The following WIF1 variants were observed in gnomAD, a reference collection of about 807,000 sequenced individuals.
WIF1 encodes Wnt inhibitory factor 1.
A neutral mutation model predicts 53.5 loss-of-function variants in WIF1; 35 were observed. The ratio of observed to expected loss-of-function variants is 0.65; its 90% CI spans 0.50 to 0.87. WIF1 has a LOEUF of 0.87. Ranked by LOEUF, WIF1 falls within the 40% of genes least tolerant of loss-of-function variation. WIF1 has a pLI of 0.00. For missense variants in WIF1, 467 were observed against 476.8 expected (o/e 0.98, Z 0.19); for synonymous variants, 171 against 170.4 (o/e 1.00, Z -0.03).
intron 7 of WIF1, among the ~76,000 whole-genome samples, chr12:65,060,737 T>C (rs1368865585): frequency 2.0e-5 from 3 of 152,248 alleles, no homozygotes; most frequent in Non-Finnish European, 2.9e-5. Flanking sequence ...TCAACTATAC[T>C]TTTTTGTTTC....
At chr12:65,072,534 C>A (rs1053160806) in intron 3 of WIF1, among the ~76,000 whole-genome samples, 1 of 152,052 alleles carries the variant, frequency 6.6e-6, no homozygotes, top group Admixed American at 6.6e-5. Context: ...AACTAGGTAC[C>A]AACAGATGTG....
chr12:65,106,880 C>T (rs959720776), intron 2 of WIF1, among the ~76,000 whole-genome samples: 78 of 152,160 alleles, frequency 5.1e-4, no homozygotes, highest in Admixed American at 4.6e-3. Context: ...TGACTTCTGC[C>T]GAAATTTGAG....
At position 65,072,324 on chromosome 12, in the gene WIF1, A is replaced by G. The variant is rs534174459; in HGVS notation, c.398-3420T>C. Among the ~76,000 whole-genome samples the G allele has an allele frequency of 7.9e-5, 12 of 152,308 alleles. No individual in the cohort carries two copies. The East Asian group carries it at 1.5e-3, about 20-fold the overall frequency. ...ACTTTCAAGGCCAAAATTAAATAGT[A>G]CTTGCTTTCTTTAGCCTTTCCTAAC... On this transcript the variant is annotated intron_variant, in intron 3 of 9. Transcript: ENST00000286574.
At chr12:65,075,399 G>A (rs894007823) in intron 3 of WIF1, among the ~76,000 whole-genome samples, 2 of 152,102 alleles carry the variant, frequency 1.3e-5, no homozygotes, top group Non-Finnish European at 2.9e-5. Context: ...TTATTTTCAC[G>A]TTCCTCTAGA....
At chr12:65,112,404 TCA>T (rs758383148) in intron 2 of WIF1, among the ~76,000 whole-genome samples, 4,598 of 123,456 alleles carry the variant, frequency 0.037, 184 homozygotes, top group African/African-American at 0.088. Flanking sequence ...CCTGCTCTAA[TCA>T]CACACACACA....
At chr12:65,052,850 C>A (rs147931960) in intron 9 of WIF1, among the ~76,000 whole-genome samples, 166 of 152,256 alleles carry the variant, frequency 1.1e-3, no homozygotes, top group Middle Eastern at 0.01. Context: ...CCCTAACTTG[C>A]CTTCCCTTTG....
intron 3 of WIF1, among the ~76,000 whole-genome samples, chr12:65,077,467 T>C (rs1164449203): frequency 2.0e-5 from 3 of 152,210 alleles, no homozygotes; most frequent in Non-Finnish European, 2.9e-5. Flanking sequence ...ATGTGTTTCT[T>C]TCTCCTTTTT....
intron 7 of WIF1, among the ~76,000 whole-genome samples, chr12:65,056,365 CCTTT>C (rs1882526373): frequency 4.9e-5 from 2 of 41,012 alleles, no homozygotes; most frequent in African/African-American, 7.6e-5. Context: ...GCATTTATAT[CCTTT>C]TTTTTTTTTT....
chr12:65,095,969 A>C (rs1883198230), intron 2 of WIF1: 2 of 152,222 alleles, frequency 1.3e-5, no homozygotes. Context: ...CAAAGACTTC[A>C]TGACTAAAAC....
chr12:65,083,765 T>G, intron 2 of WIF1: 1 of 333,220 alleles, frequency 3.0e-6, no homozygotes, highest in South Asian at 2.6e-5. Context: ...CCTTTCCTCT[T>G]TTCCTTTTCC....
At chr12:65,061,256 G>A (rs185116524) in intron 7 of WIF1, among the ~76,000 whole-genome samples, 1 of 152,212 alleles carries the variant, frequency 6.6e-6, no homozygotes, top group Non-Finnish European at 1.5e-5. Context: ...TAAATTAGAG[G>A]TTGAAAGTTC....
chr12:65,094,645 A>G (rs949229615), intron 2 of WIF1, among the ~76,000 whole-genome samples: 2 of 152,188 alleles, frequency 1.3e-5, no homozygotes, highest in African/African-American at 2.4e-5. Flanking sequence ...ACTTAATGAC[A>G]GAATAAAAGA....
At chr12:65,053,621 C>T (rs1215465054) in intron 9 of WIF1, among the ~76,000 whole-genome samples, 1 of 152,124 alleles carries the variant, frequency 6.6e-6, no homozygotes, top group Admixed American at 6.6e-5. Flanking sequence ...GTGAGTCAAA[C>T]CTCTTTCCTT....
intron 2 of WIF1, among the ~76,000 whole-genome samples, chr12:65,082,560 A>G (rs894024540): frequency 4.6e-5 from 7 of 152,180 alleles, no homozygotes; most frequent in Non-Finnish European, 8.8e-5. Context: ...AGAAGCATAA[A>G]AGACACCCAA....
At chr12:65,104,007 G>A (rs899644689) in intron 2 of WIF1, among the ~76,000 whole-genome samples, 1 of 152,166 alleles carries the variant, frequency 6.6e-6, no homozygotes, top group African/African-American at 2.4e-5. Flanking sequence ...TGGGGCTGCA[G>A]TGAGTCACGT....
chr12:65,116,120 G>A (rs1030310012), intron 2 of WIF1, among the ~76,000 whole-genome samples: 11 of 152,118 alleles, frequency 7.2e-5, no homozygotes, highest in African/African-American at 2.4e-4. Context: ...TTACATCTTG[G>A]AAGATCAGAT....
chr12:65,080,931 T>C (rs983045195), intron 2 of WIF1, among the ~76,000 whole-genome samples: 1 of 152,126 alleles, frequency 6.6e-6, no homozygotes, highest in African/African-American at 2.4e-5. Flanking sequence ...AAAATTACAT[T>C]TGTAAAACTA....
chr12:65,097,019 T>TAAAAAAAAAAAAA (rs11301288), intron 2 of WIF1, among the ~76,000 whole-genome samples: 1 of 137,694 alleles, frequency 7.3e-6, no homozygotes, highest in African/African-American at 2.8e-5. Context: ...TCCTGGAACT[T>TAAAAAAAAAAAAA]AAAAAAAAAA....
At chr12:65,056,193 C>G in intron 7 of WIF1, 67 bp from the exon 8 acceptor site, 1 of 1,466,404 alleles carries the variant, frequency 6.8e-7, no homozygotes, top group South Asian at 1.2e-5. Context: ...TTACATTTTT[C>G]AAAGGAATTA....
Sources: gnomAD v4.1 joint callset for allele counts (sites outside exome capture counted in the v4.1 genomes callset) on GRCh38, gnomAD v4.1.1 for gene constraint, MANE v1.5 for transcripts, NCBI Gene and HGNC (gene_info 2026-07-23, HGNC 2026-07-21) for gene names.